The following OGDH variants were observed in gnomAD, a reference collection of about 807,000 sequenced individuals.
OGDH encodes oxoglutarate dehydrogenase.
Under a neutral mutation model 116.6 loss-of-function variants are expected in OGDH, and 38 were observed. The observed-to-expected ratio is 0.33, with a 90% confidence interval of 0.25 to 0.43. OGDH has a LOEUF of 0.43. Among genes scored for constraint, OGDH ranks in the 20% least tolerant of loss-of-function variants. The probability of loss-of-function intolerance (pLI) is 1.00; values close to 1 mark genes in which losing one functional copy is unlikely to be tolerated. For missense variants in OGDH, 825 were observed against 1,357.2 expected (o/e 0.61, Z 6.16); for synonymous variants, 488 against 533.3 (o/e 0.92, Z 1.17).
rs1003158349 is a variant in OGDH, at chr7:44,617,251, A to G, written c.-27-7066A>G. Among the ~76,000 whole-genome samples the G allele has an allele frequency of 3.3e-5, 5 of 151,966 alleles. No homozygotes were observed. In the East Asian group the frequency reaches 9.7e-4, roughly 29 times the overall value. ...CCCAACCATTTCTTTAGTCATAGAT[A>G]TACCTTCAAGTTTTCAAAGTGCTTT... On this transcript the variant is annotated intron_variant, in intron 1 of 22. Transcript: ENST00000222673.
chr7:44,693,718 G>A, intron 10 of OGDH, 107 bp from the exon 11 acceptor site: 2 of 942,952 alleles, frequency 2.1e-6, no homozygotes, highest in Non-Finnish European at 3.1e-6. Flanking sequence ...TACGTACTCA[G>A]AGTAGCCAGA....
At chr7:44,608,729 A>G (rs1033769949) in intron 1 of OGDH, among the ~76,000 whole-genome samples, 7 of 152,178 alleles carry the variant, frequency 4.6e-5, no homozygotes, top group Admixed American at 2.6e-4. Context: ...TCAAAAAAAA[A>G]AGGAAAGAAA....
chr7:44,703,934 T>C (rs1406247754), intron 20 of OGDH, among the ~76,000 whole-genome samples: 1 of 152,126 alleles, frequency 6.6e-6, no homozygotes, highest in African/African-American at 2.4e-5. Flanking sequence ...GTATGCCACA[T>C]TTTGCTCATC....
At chr7:44,675,915 T>C in intron 8 of OGDH, 55 bp from the exon 9 acceptor site, 7 of 1,587,238 alleles carry the variant, frequency 4.4e-6, no homozygotes, top group Non-Finnish European at 6.0e-6. Context: ...AAGGGCTCTT[T>C]TGGAGACTGA....
chr7:44,616,662 C>T (rs531681161), intron 1 of OGDH, among the ~76,000 whole-genome samples: 38 of 144,172 alleles, frequency 2.6e-4, no homozygotes, highest in Admixed American at 1.2e-3. Flanking sequence ...CATATATATA[C>T]GTATATACGT....
intron 9 of OGDH, among the ~76,000 whole-genome samples, chr7:44,679,813 C>T (rs936024260): frequency 1.3e-5 from 2 of 152,190 alleles, no homozygotes; most frequent in African/African-American, 4.8e-5. Context: ...ATTCTGCCTC[C>T]AGACAGCCTT....
chr7:44,607,549 TA>T (rs1158806228), intron 1 of OGDH, among the ~76,000 whole-genome samples: 1 of 152,176 alleles, frequency 6.6e-6, no homozygotes, highest in Admixed American at 6.5e-5. Flanking sequence ...TGGCATGGGA[TA>T]AAGCCTTTTT....
At chr7:44,689,776 A>G (rs1349913915) in intron 10 of OGDH, among the ~76,000 whole-genome samples, 1 of 152,060 alleles carries the variant, frequency 6.6e-6, no homozygotes, top group Non-Finnish European at 1.5e-5. Context: ...TTGAGTTGTA[A>G]GAGTTCTTTA....
chr7:44,656,713 TG>T (rs1183201174), intron 4 of OGDH, among the ~76,000 whole-genome samples: 1 of 152,238 alleles, frequency 6.6e-6, no homozygotes, highest in East Asian at 1.9e-4. Flanking sequence ...CTCTGCATGG[TG>T]GCTTGTCCTG....
chr7:44,693,556 A>C (rs1184870624), intron 10 of OGDH, among the ~76,000 whole-genome samples: 2 of 152,234 alleles, frequency 1.3e-5, no homozygotes, highest in African/African-American at 4.8e-5. Context: ...AAACATCAGA[A>C]TATTTACCCC....
chr7:44,693,248 C>G (rs980034726), intron 10 of OGDH, among the ~76,000 whole-genome samples: 1 of 151,546 alleles, frequency 6.6e-6, no homozygotes, highest in African/African-American at 2.4e-5. Flanking sequence ...GTGGAAGTTG[C>G]AGTGAGCTGA....
At chr7:44,696,803 C>T in intron 14 of OGDH, 111 bp from the exon 15 acceptor site, 1 of 1,377,268 alleles carries the variant, frequency 7.3e-7, no homozygotes, top group Non-Finnish European at 9.7e-7. Context: ...AGTCAGGAAC[C>T]CAGAAACTAC....
At chr7:44,696,816 GT>G in intron 14 of OGDH, 97 bp from the exon 15 acceptor site, 1 of 1,422,606 alleles carries the variant, frequency 7.0e-7, no homozygotes, top group Non-Finnish European at 9.4e-7. Context: ...GAAACTACGA[GT>G]AAAGAAGGCT....
At chr7:44,701,393 T>C in intron 19 of OGDH, 150 bp from the exon 20 acceptor site, 1 of 655,520 alleles carries the variant, frequency 1.5e-6, no homozygotes, top group African/African-American at 1.8e-5. Flanking sequence ...TCCCTCCTTC[T>C]CTGCCTCTTC....
chr7:44,621,870 C>CA (rs35408903), intron 1 of OGDH, among the ~76,000 whole-genome samples: 46,398 of 147,150 alleles, frequency 0.32, 8,341 homozygotes, highest in Non-Finnish European at 0.42. Context: ...GACTCCGTAT[C>CA]AAAAAAAAAA....
intron 5 of OGDH, among the ~76,000 whole-genome samples, chr7:44,673,081 C>G (rs1044158383): frequency 6.6e-6 from 1 of 152,132 alleles, no homozygotes; most frequent in Admixed American, 6.5e-5. Context: ...TACAGGACAT[C>G]TTGATCTGCT....
At chr7:44,613,955 T>G (rs1232284702) in intron 1 of OGDH, among the ~76,000 whole-genome samples, 1 of 151,982 alleles carries the variant, frequency 6.6e-6, no homozygotes, top group Non-Finnish European at 1.5e-5. Flanking sequence ...TACAGGTATG[T>G]GCTGCCACTC....
chr7:44,647,339 T>C, intron 3 of OGDH: 1 of 704,468 alleles, frequency 1.4e-6, no homozygotes, highest in Non-Finnish European at 2.4e-6. Context: ...GGTTTATTGG[T>C]GCTGTGTTCC....
chr7:44,694,649 C>T lies in OGDH; in HGVS notation c.1668+73C>T. 6.4e-7 allele frequency: 1 copy of T among 1,560,818 alleles called. No homozygotes were observed. Among genetic ancestry groups the T allele is most frequent in the Non-Finnish European group, 8.8e-7 (1 of 1,137,530 alleles). On this transcript the variant is annotated intron_variant, in intron 12 of 22. Transcript: ENST00000222673. This position sits in a 1 kb window ranked among gnomAD's most constrained non-coding sequence, Gnocchi z 4.2. ...TGACTAGAAAAGGTGGGCCACAGGG[C>T]CAGTTCTCACTTTTGCCAGTTATGA... is the stretch of plus-strand genomic sequence containing the variant.
Sources: gnomAD v4.1 joint callset for allele counts (sites outside exome capture counted in the v4.1 genomes callset) on GRCh38, gnomAD v4.1.1 for gene constraint, Gnocchi (gnomAD v3.1) non-coding constraint, MANE v1.5 for transcripts, NCBI Gene and HGNC (gene_info 2026-07-23, HGNC 2026-07-21) for gene names.